Variants in CCDC171 observed in about 807,000 individuals in gnomAD.
The protein encoded by CCDC171 is coiled-coil domain containing 171.
In CCDC171, 177 loss-of-function variants were observed where a neutral mutation model predicts 168.2. The ratio of observed to expected loss-of-function variants is 1.05; its 90% confidence interval spans 0.93 to 1.19. CCDC171 has a LOEUF of 1.19. Ranked by LOEUF, CCDC171 falls within the 50% of genes most tolerant of loss-of-function variation. The pLI is 0.00. For synonymous variants in CCDC171, 687 were observed against 540.8 expected, an observed-to-expected ratio of 1.27 and a Z score of -3.75; for missense variants, 1,991 against 1,539.0, an observed-to-expected ratio of 1.29 and a Z score of -4.91.
At chr9:15,850,006 C>T (rs889233167) in intron 23 of CCDC171, among the ~76,000 whole-genome samples, 4 of 151,700 alleles carry the variant, frequency 2.6e-5, no homozygotes, top group African/African-American at 9.7e-5. Context: ...TTATTTCTCC[C>T]CCTTCCCATT....
intron 18 of CCDC171, among the ~76,000 whole-genome samples, chr9:15,769,775 T>C (rs1413518944): frequency 3.9e-5 from 6 of 152,358 alleles, no homozygotes; most frequent in South Asian, 2.1e-4. Context: ...TGAGGTTCTG[T>C]GTACTCTTTG....
At chr9:15,596,720 A>C (rs1442253174) in intron 6 of CCDC171, among the ~76,000 whole-genome samples, 6 of 151,748 alleles carry the variant, frequency 4.0e-5, no homozygotes, top group South Asian at 2.1e-4. Context: ...CATTGAATCT[A>C]TAAATTACCT....
At chr9:16,054,283 T>C (rs1349901638) in intron 1 of CCDC171, among the ~76,000 whole-genome samples, 4 of 152,170 alleles carry the variant, frequency 2.6e-5, no homozygotes, top group Admixed American at 1.3e-4. Context: ...GGGGGAAAGA[T>C]ACATAATAAA....
chr9:15,611,899 A>G (rs575824789), intron 6 of CCDC171, among the ~76,000 whole-genome samples: 2 of 152,120 alleles, frequency 1.3e-5, no homozygotes, highest in African/African-American at 2.4e-5. Flanking sequence ...CCTAATTGCC[A>G]TTGTGATGGT....
At chr9:15,661,267 G>T (rs1008573382) in intron 8 of CCDC171, among the ~76,000 whole-genome samples, 2 of 129,760 alleles carry the variant, frequency 1.5e-5, no homozygotes, top group Admixed American at 1.7e-4. Context: ...GCGACAGAGC[G>T]AGACTCCGTC....
intron 7 of CCDC171, among the ~76,000 whole-genome samples, chr9:15,656,542 CTATT>C (rs1203704421): frequency 1.3e-5 from 2 of 152,172 alleles, no homozygotes; most frequent in Non-Finnish European, 2.9e-5. Context: ...AAGTGGAACA[CTATT>C]TAACAGTGAA....
In CCDC171 at chr9:15,821,923, A is replaced by G. The variant is rs1285579969; in HGVS notation, c.3268-24779A>G. 3.2e-3 allele frequency among the ~76,000 whole-genome samples: 157 copies of G among 49,202 alleles called. 52 individuals carry two copies. Among genetic ancestry groups the G allele is most frequent in the African/African-American group, 0.011 (146 of 13,170 alleles). The allele number at this position is 49,202 out of a possible 152,430, so 32.3% of individuals were successfully genotyped here. On this transcript the variant is annotated intron_variant, in intron 21 of 25. Coordinates refer to ENST00000380701, the MANE Select transcript of CCDC171 (RefSeq NM_173550.4). ...AAAGCTGGAGGCATCACGCTACCTG[A>G]CTTCAAACTATACAACAAGGCTACA... is the stretch of plus-strand genomic sequence containing the variant.
rs1365174611 is a variant in CCDC171 at position 15,819,200 on chromosome 9, A to C, written c.3268-27502A>C. 2.5e-5 allele frequency among the ~76,000 whole-genome samples: 3 copies of C among 118,130 alleles called. 1 individual carries two copies. The highest frequency in any genetic ancestry group is 9.6e-5 in the African/African-American group (3 of 31,404). The allele number at this position is 118,130 out of a possible 152,430, so 77.5% of individuals were successfully genotyped here. A position where few individuals can be genotyped will look rare whatever the true frequency, so the allele number is the denominator to read the frequency against. On this transcript the variant is annotated intron_variant, in intron 21 of 25. Coordinates refer to ENST00000380701, the MANE Select transcript of CCDC171 (RefSeq NM_173550.4). ...CAAGAGCTCCTGAAGGAAGCACTAA[A>C]CATGGAAAGGAACAACTGGTACTAG...
chr9:15,641,804 T>C (rs2046628458), intron 7 of CCDC171, among the ~76,000 whole-genome samples: 1 of 152,214 alleles, frequency 6.6e-6, no homozygotes, highest in Non-Finnish European at 1.5e-5. Context: ...AGTACATTGC[T>C]GTAGGAAAGG....
At chr9:15,890,329 C>G (rs543228056) in intron 24 of CCDC171, among the ~76,000 whole-genome samples, 68 of 152,082 alleles carry the variant, frequency 4.5e-4, no homozygotes, top group Non-Finnish European at 7.6e-4. Flanking sequence ...TTAGGAGAGG[C>G]TTCATAGAGG....
intron 3 of CCDC171, among the ~76,000 whole-genome samples, chr9:15,990,364 C>G (rs534054371): frequency 2.6e-5 from 4 of 152,282 alleles, no homozygotes; most frequent in African/African-American, 9.6e-5. Flanking sequence ...CCTTAACAGA[C>G]AAGCAAATGC....
the CCDC171 span, among the ~76,000 whole-genome samples, chr9:16,094,402 G>C: frequency 6.6e-6 from 1 of 152,152 alleles, no homozygotes; most frequent in African/African-American, 2.4e-5. Flanking sequence ...GCGAGTGCTC[G>C]TTGTGTATCA....
chr9:15,829,174 T>C (rs1047344686), intron 21 of CCDC171, among the ~76,000 whole-genome samples: 3 of 152,228 alleles, frequency 2.0e-5, no homozygotes, highest in African/African-American at 7.2e-5. Flanking sequence ...ATGTTAGTAA[T>C]TTGACCGTTT....
intron 11 of CCDC171, among the ~76,000 whole-genome samples, chr9:15,720,112 C>T (rs1296611935): frequency 7.0e-6 from 1 of 143,028 alleles, no homozygotes; most frequent in Non-Finnish European, 1.6e-5. Context: ...CCAAGTTGTA[C>T]CCATATATAA....
intron 25 of CCDC171, among the ~76,000 whole-genome samples, chr9:15,953,519 G>T (rs1435662194): frequency 6.6e-6 from 1 of 152,072 alleles, no homozygotes; most frequent in Non-Finnish European, 1.5e-5. Context: ...TTGCATCCTG[G>T]GGTAAACCCA....
intron 24 of CCDC171, among the ~76,000 whole-genome samples, chr9:15,878,458 T>G (rs1818156767): frequency 6.6e-6 from 1 of 152,104 alleles, no homozygotes; most frequent in Non-Finnish European, 1.5e-5. Context: ...AAATGGCTAT[T>G]ATTAAAAAGT....
the CCDC171 span, among the ~76,000 whole-genome samples, chr9:16,084,101 G>A: frequency 1.3e-5 from 2 of 152,206 alleles, no homozygotes; most frequent in Non-Finnish European, 2.9e-5. Context: ...GAATCAATAT[G>A]TTCCAGAAGT....
At chr9:15,620,899 A>C (rs1422943746) in intron 6 of CCDC171, among the ~76,000 whole-genome samples, 1 of 152,180 alleles carries the variant, frequency 6.6e-6, no homozygotes, top group Non-Finnish European at 1.5e-5. Flanking sequence ...CCACCATTAA[A>C]GATGATGACT....
intron 10 of CCDC171, among the ~76,000 whole-genome samples, chr9:15,685,693 C>A (rs895301635): frequency 2.6e-5 from 4 of 151,974 alleles, no homozygotes; most frequent in Non-Finnish European, 1.5e-5. Context: ...AAAATCCTGA[C>A]ACTTTTACTG....
Sources: gnomAD v4.1 joint callset for allele counts (sites outside exome capture counted in the v4.1 genomes callset) on GRCh38, gnomAD v4.1.1 for gene constraint, MANE v1.5 for transcripts, NCBI Gene and HGNC (gene_info 2026-07-23, HGNC 2026-07-21) for gene names.